PLD5: variants seen among roughly 807,000 people sequenced by gnomAD.
The protein encoded by PLD5 is phospholipase D family member 5.
In PLD5, 36 loss-of-function variants were observed where a neutral mutation model predicts 61.1. That is an observed-to-expected ratio of 0.59 (90% CI 0.45 to 0.78). The LOEUF (loss-of-function observed/expected upper bound fraction) is 0.78. Ranked by LOEUF, PLD5 falls within the 30% of genes least tolerant of loss-of-function variation. PLD5 has a pLI of 0.00. For missense variants in PLD5, 515 were observed against 644.4 expected, an observed-to-expected ratio of 0.80 and a Z score of 2.17; for synonymous variants, 243 against 242.8, an observed-to-expected ratio of 1.00 and a Z score of -0.01.
At position 242,096,575 on chromosome 1, in the gene PLD5, C is replaced by T. The variant is rs191285003; in HGVS notation, c.1354+4093G>A. On this transcript the variant is annotated intron_variant, in intron 9 of 9. Transcript: ENST00000536534. ...CAGGCTGGTCTTGAACTCCTGGCCTCAGGTGATCCACCTGCCTCAACCTCC... is the reference window on the plus strand; with the variant it reads ...CAGGCTGGTCTTGAACTCCTGGCCTTAGGTGATCCACCTGCCTCAACCTCC... 7.9e-5 allele frequency among the ~76,000 whole-genome samples: 12 copies of T among 151,170 alleles called. No individual in the cohort carries two copies. The South Asian group carries it at 1.5e-3, about 19-fold the overall frequency.
intron 1 of PLD5, among the ~76,000 whole-genome samples, chr1:242,496,315 A>G (rs1361840778): frequency 6.6e-6 from 1 of 152,238 alleles, no homozygotes; most frequent in Non-Finnish European, 1.5e-5. Context: ...TTTGAAGAAA[A>G]TAATACTCCA....
intron 6 of PLD5, among the ~76,000 whole-genome samples, chr1:242,116,648 T>A (rs1195286784): frequency 6.6e-6 from 1 of 150,668 alleles, no homozygotes; most frequent in Non-Finnish European, 1.5e-5. Context: ...CTCCCACTTA[T>A]AAGTGAGAAC....
chr1:242,518,963 T>G lies in PLD5; in HGVS notation c.189+5125A>C, dbSNP rs1669191905. 2.6e-5 allele frequency among the ~76,000 whole-genome samples: 4 copies of G among 152,220 alleles called. No individual in the cohort carries two copies. The South Asian group carries it at 8.3e-4, about 31-fold the overall frequency. On this transcript the variant is annotated intron_variant, in intron 1 of 9. Transcript: ENST00000536534. The stretch of plus-strand genomic sequence containing the variant: ...AGACACTCATGAGACATCTACACTT[T>G]CATGTCTTGACTGATGAGTTGGAGG...
At position 242,524,285 on chromosome 1, in the gene PLD5, G is replaced by T; in HGVS notation, c.-9C>A. 2 of 1,398,490 alleles carry T rather than the reference G, an allele frequency of 1.4e-6. No homozygotes were observed. The highest frequency in any genetic ancestry group is 1.8e-6 in the Non-Finnish European group (2 of 1,082,226). The allele number at this position is 1,398,490 out of a possible 1,614,324, so 86.6% of individuals were successfully genotyped here. On this transcript the variant is annotated 5_prime_UTR_variant, in exon 1 of 10. Transcript: ENST00000536534. Reference sequence around the variant, plus strand: ...TGCTGCCGGATCTCCATCCTGACATGACCGGGCGGCCGCCGGCGAGCAGCG... The same window carrying T: ...TGCTGCCGGATCTCCATCCTGACATTACCGGGCGGCCGCCGGCGAGCAGCG...
intron 1 of PLD5, among the ~76,000 whole-genome samples, chr1:242,458,469 T>C (rs1024806213): frequency 3.3e-5 from 5 of 152,216 alleles, no homozygotes; most frequent in African/African-American, 4.8e-5. Context: ...GGGGCAGGGG[T>C]TGCCCCTCCA....
chr1:242,180,604 T>C (rs12086396), intron 5 of PLD5, among the ~76,000 whole-genome samples: 12,214 of 152,226 alleles, frequency 0.08, 583 homozygotes, highest in Middle Eastern at 0.15. Context: ...TGAATGTCCA[T>C]AGGAATCACC....
intron 1 of PLD5, among the ~76,000 whole-genome samples, chr1:242,392,974 CG>C (rs1663023132): frequency 6.6e-6 from 1 of 151,396 alleles, no homozygotes; most frequent in African/African-American, 2.4e-5. Flanking sequence ...GAGGCCGAGG[CG>C]GGTGGATTAC....
chr1:242,129,072 G>C (rs1413178001), intron 5 of PLD5, among the ~76,000 whole-genome samples: 1 of 152,148 alleles, frequency 6.6e-6, no homozygotes, highest in African/African-American at 2.4e-5. Flanking sequence ...TCTACCCCAA[G>C]ACTCTCCTTA....
At chr1:242,310,903 T>A (rs4658806) in intron 2 of PLD5, among the ~76,000 whole-genome samples, 1 of 152,108 alleles carries the variant, frequency 6.6e-6, no homozygotes, top group Non-Finnish European at 1.5e-5. Context: ...CAAAATCATA[T>A]CCCAGTAATC....
chr1:242,451,165 T>C (rs545203609), intron 1 of PLD5, among the ~76,000 whole-genome samples: 1 of 152,142 alleles, frequency 6.6e-6, no homozygotes, highest in Non-Finnish European at 1.5e-5. Flanking sequence ...ATTAGCCTTA[T>C]ATCTGTGCAC....
At chr1:242,500,521 C>A (rs188710147) in intron 1 of PLD5, among the ~76,000 whole-genome samples, 1 of 152,044 alleles carries the variant, frequency 6.6e-6, no homozygotes, top group African/African-American at 2.4e-5. Flanking sequence ...AATTAAGTGC[C>A]GAACTGTGAT....
At chr1:242,238,194 A>G (rs943729596) in intron 4 of PLD5, among the ~76,000 whole-genome samples, 2 of 152,218 alleles carry the variant, frequency 1.3e-5, no homozygotes, top group South Asian at 2.1e-4. Context: ...AAGTGAGAAA[A>G]TACTAGGCAT....
chr1:242,123,845 G>A (rs2148731869), intron 6 of PLD5, among the ~76,000 whole-genome samples: 1 of 152,280 alleles, frequency 6.6e-6, no homozygotes, highest in Admixed American at 6.5e-5. Flanking sequence ...GTGCCTAGCT[G>A]GGTGGTGGAC....
rs374844783 is a variant in PLD5 at position 242,159,075 on chromosome 1, T to C, written c.736-34410A>G. The stretch of plus-strand genomic sequence containing the variant: ...ATATCTGTTTCATATTTGAGTCTAG[T>C]TGTGCTAATTGCTTTGTGTTTTTCT... On this transcript the variant is annotated intron_variant, in intron 5 of 9. Transcript: ENST00000536534. Among the ~76,000 whole-genome samples, 6 of 152,312 alleles carry C rather than the reference T, an allele frequency of 3.9e-5. No individual in the cohort carries two copies. In the East Asian group the frequency reaches 7.7e-4, roughly 20 times the overall value.
intron 1 of PLD5, among the ~76,000 whole-genome samples, chr1:242,479,637 A>T (rs1415633927): frequency 6.6e-6 from 1 of 152,176 alleles, no homozygotes; most frequent in Non-Finnish European, 1.5e-5. Flanking sequence ...CCTAATAAAA[A>T]TCCCAAGAGA....
intron 2 of PLD5, among the ~76,000 whole-genome samples, chr1:242,321,540 G>A (rs1398152879): frequency 6.6e-6 from 1 of 152,064 alleles, no homozygotes; most frequent in Non-Finnish European, 1.5e-5. Context: ...CCTGTCCTCA[G>A]GTGATCCACC....
intron 1 of PLD5, among the ~76,000 whole-genome samples, chr1:242,372,129 T>G (rs1661671766): frequency 6.6e-6 from 1 of 152,218 alleles, no homozygotes; most frequent in African/African-American, 2.4e-5. Flanking sequence ...GGAATAAAAA[T>G]GTAGCCTGCA....
chr1:242,427,092 A>G (rs866646768), intron 1 of PLD5, among the ~76,000 whole-genome samples: 96 of 152,306 alleles, frequency 6.3e-4, no homozygotes, highest in African/African-American at 2.2e-3. Flanking sequence ...AACTCATCTC[A>G]AACTTTATCT....
chr1:242,388,008 G>A (rs914790654), intron 1 of PLD5, among the ~76,000 whole-genome samples: 3 of 152,122 alleles, frequency 2.0e-5, no homozygotes, highest in Non-Finnish European at 2.9e-5. Flanking sequence ...TAAAAGCCAC[G>A]GCACAGACAC....
Sources: gnomAD v4.1 joint callset for allele counts (sites outside exome capture counted in the v4.1 genomes callset) on GRCh38, gnomAD v4.1.1 for gene constraint, MANE v1.5 for transcripts, NCBI Gene and HGNC (gene_info 2026-07-23, HGNC 2026-07-21) for gene names.